Variants in SH3RF3 observed in about 807,000 individuals in gnomAD.
SH3RF3 encodes the protein E3 ubiquitin-protein ligase SH3RF3.
SH3RF3 carries 29 observed loss-of-function variants against 66.3 expected under a neutral mutation model. That is an observed-to-expected ratio of 0.44 (90% CI 0.33 to 0.60). SH3RF3 has a LOEUF of 0.60. Ranked by LOEUF, SH3RF3 falls within the 20% of genes least tolerant of loss-of-function variation. The probability of loss-of-function intolerance (pLI) is 0.04; values close to 1 mark genes in which losing one functional copy is unlikely to be tolerated. For synonymous variants in SH3RF3, 583 were observed against 532.0 expected (o/e 1.10, Z -1.32); for missense variants, 1,194 against 1,190.9 (o/e 1.00, Z -0.04).
At chr2:109,377,342 C>G (rs1156605003) in intron 3 of SH3RF3, among the ~76,000 whole-genome samples, 1 of 152,090 alleles carries the variant, frequency 6.6e-6, no homozygotes, top group Non-Finnish European at 1.5e-5. Flanking sequence ...GAGGTGGGGC[C>G]CAGCTGCTGA....
chr2:109,179,122 G>A lies in SH3RF3; in HGVS notation c.573+49009G>A, dbSNP rs372740980. Among the ~76,000 whole-genome samples the A allele has an allele frequency of 2.1e-4, 32 of 151,618 alleles. No individual in the cohort carries two copies. In the East Asian group the frequency reaches 2.3e-3, roughly 11 times the overall value. On this transcript the variant is annotated intron_variant, in intron 1 of 9. Coordinates refer to ENST00000309415, the MANE Select transcript of SH3RF3 (RefSeq NM_001099289.3). ...TCAGAAGAGTCTGTGAAATGTCATGGCAGCTGGAAGGAAACGAGTAGGATG... is the reference window on the plus strand; with the variant it reads ...TCAGAAGAGTCTGTGAAATGTCATGACAGCTGGAAGGAAACGAGTAGGATG...
At chr2:109,228,671 T>C (rs948798877) in intron 1 of SH3RF3, among the ~76,000 whole-genome samples, 2 of 152,078 alleles carry the variant, frequency 1.3e-5, no homozygotes, top group Non-Finnish European at 2.9e-5. Flanking sequence ...TTTATTATAT[T>C]AGTGGAGGGC....
chr2:109,170,910 T>A (rs940839414), intron 1 of SH3RF3, among the ~76,000 whole-genome samples: 1 of 152,096 alleles, frequency 6.6e-6, no homozygotes, highest in African/African-American at 2.4e-5. Context: ...ATAAATCACC[T>A]CACTAAGCAG....
At chr2:109,365,726 T>G (rs1374556021) in intron 2 of SH3RF3, among the ~76,000 whole-genome samples, 3 of 152,244 alleles carry the variant, frequency 2.0e-5, no homozygotes, top group African/African-American at 7.2e-5. Flanking sequence ...GGAACATTTA[T>G]GTTATTTAGT....
At chr2:109,193,709 T>C (rs1483934052) in intron 1 of SH3RF3, among the ~76,000 whole-genome samples, 1 of 152,218 alleles carries the variant, frequency 6.6e-6, no homozygotes, top group East Asian at 1.9e-4. Context: ...AAGATCAGTA[T>C]GTAGTATACA....
intron 1 of SH3RF3, among the ~76,000 whole-genome samples, chr2:109,287,895 A>T (rs897494916): frequency 2.6e-5 from 4 of 152,142 alleles, no homozygotes; most frequent in African/African-American, 9.7e-5. Flanking sequence ...CCCCTTAGTG[A>T]CCCAATTAAG....
At chr2:109,423,967 T>C (rs969609910) in intron 5 of SH3RF3, among the ~76,000 whole-genome samples, 2 of 152,124 alleles carry the variant, frequency 1.3e-5, no homozygotes, top group Admixed American at 6.5e-5. Flanking sequence ...CTGGATGACA[T>C]AGACCCTGGC....
intron 8 of SH3RF3, among the ~76,000 whole-genome samples, chr2:109,458,728 A>C (rs1417765535): frequency 6.6e-6 from 1 of 152,258 alleles, no homozygotes; most frequent in Non-Finnish European, 1.5e-5. Context: ...ATCATTGTCC[A>C]CAGGATGCCT....
intron 3 of SH3RF3, among the ~76,000 whole-genome samples, chr2:109,397,796 G>A (rs1442996462): frequency 1.3e-5 from 2 of 152,184 alleles, no homozygotes; most frequent in South Asian, 2.1e-4. Flanking sequence ...CGGCCAGGAG[G>A]GTTTATTCCC....
chr2:109,132,976 T>A (rs6755270), intron 1 of SH3RF3, among the ~76,000 whole-genome samples: 5 of 152,164 alleles, frequency 3.3e-5, no homozygotes, highest in African/African-American at 9.7e-5. Context: ...TTTAAATCCT[T>A]GACTTATATT....
At chr2:109,349,828 C>T (rs1266057405) in intron 2 of SH3RF3, among the ~76,000 whole-genome samples, 1 of 152,266 alleles carries the variant, frequency 6.6e-6, no homozygotes, top group Non-Finnish European at 1.5e-5. Context: ...CTGCTGCATT[C>T]CACGGGCCTC....
At chr2:109,423,259 C>A (rs894837279) in intron 5 of SH3RF3, among the ~76,000 whole-genome samples, 3 of 152,132 alleles carry the variant, frequency 2.0e-5, no homozygotes, top group African/African-American at 4.8e-5. Flanking sequence ...TTTTCATCCT[C>A]CCCTGCTGAG....
chr2:109,208,988 A>G (rs1208934582), intron 1 of SH3RF3, among the ~76,000 whole-genome samples: 4 of 152,204 alleles, frequency 2.6e-5, no homozygotes, highest in Non-Finnish European at 4.4e-5. Flanking sequence ...ATGTTCACAG[A>G]GGCCCGACAT....
At chr2:109,303,369 C>T (rs1366409638) in intron 1 of SH3RF3, among the ~76,000 whole-genome samples, 1 of 152,204 alleles carries the variant, frequency 6.6e-6, no homozygotes, top group Non-Finnish European at 1.5e-5. Context: ...AAGGTGGGCA[C>T]TCCCCACTTT....
intron 8 of SH3RF3, among the ~76,000 whole-genome samples, chr2:109,490,398 C>T (rs1439546510): frequency 6.6e-6 from 1 of 152,166 alleles, no homozygotes; most frequent in African/African-American, 2.4e-5. Flanking sequence ...CTGGTTCACC[C>T]GTGGGAACTG....
At chr2:109,392,897 C>T (rs1450389222) in intron 3 of SH3RF3, among the ~76,000 whole-genome samples, 1 of 152,162 alleles carries the variant, frequency 6.6e-6, no homozygotes, top group Admixed American at 6.5e-5. Context: ...TGGAATGTTC[C>T]ACACACAACT....
At chr2:109,181,728 C>T (rs1053802464) in intron 1 of SH3RF3, among the ~76,000 whole-genome samples, 11 of 152,214 alleles carry the variant, frequency 7.2e-5, no homozygotes, top group Admixed American at 5.9e-4. Flanking sequence ...CCTCTTTCTT[C>T]TCCAGCCATG....
In SH3RF3 at chr2:109,414,903, C is replaced by T. The variant is rs1213835074; in HGVS notation, c.1300-4636C>T. On this transcript the variant is annotated intron_variant, in intron 4 of 9. Coordinates refer to ENST00000309415, the MANE Select transcript of SH3RF3 (RefSeq NM_001099289.3). Reference sequence around the variant, plus strand: ...CCCCACACATGTCCAAGTGCTGATCCCAGAACCTGAGAATGTGTCACCTCA... The same window carrying T: ...CCCCACACATGTCCAAGTGCTGATCTCAGAACCTGAGAATGTGTCACCTCA... Among the ~76,000 whole-genome samples the T allele has an allele frequency of 2.0e-5, 3 of 152,206 alleles. No individual in the cohort carries two copies. The East Asian group carries it at 5.8e-4, about 29-fold the overall frequency.
chr2:109,242,667 T>C (rs1461767146), intron 1 of SH3RF3, among the ~76,000 whole-genome samples: 1 of 152,166 alleles, frequency 6.6e-6, no homozygotes, highest in African/African-American at 2.4e-5. Context: ...ATTAATCCAA[T>C]GGCTGCTTGG....
Sources: gnomAD v4.1 joint callset for allele counts (sites outside exome capture counted in the v4.1 genomes callset) on GRCh38, gnomAD v4.1.1 for gene constraint, MANE v1.5 for transcripts, NCBI Gene and HGNC (gene_info 2026-07-23, HGNC 2026-07-21) for gene names.